The following HECTD2 variants were observed in gnomAD, a reference collection of about 807,000 sequenced individuals.
HECTD2 encodes the protein HECT domain E3 ubiquitin protein ligase 2.
In HECTD2, 35 loss-of-function variants were observed where a neutral mutation model predicts 103.2. That is an observed-to-expected ratio of 0.34 (90% CI 0.26 to 0.45). HECTD2 has a LOEUF of 0.45. Ranked by LOEUF, HECTD2 falls within the 20% of genes least tolerant of loss-of-function variation. The pLI, the probability that HECTD2 is intolerant of heterozygous loss-of-function variation, is 1.00. For synonymous variants in HECTD2, 281 were observed against 329.9 expected (o/e 0.85, Z 1.61); for missense variants, 596 against 937.4 (o/e 0.64, Z 4.76).
At chr10:91,480,339 G>C (rs1846047344) in intron 6 of HECTD2, among the ~76,000 whole-genome samples, 1 of 152,090 alleles carries the variant, frequency 6.6e-6, no homozygotes, top group South Asian at 2.1e-4. Context: ...TAGATCTTGA[G>C]CAGGCAAGAA....
intron 2 of HECTD2, among the ~76,000 whole-genome samples, chr10:91,427,312 C>A (rs1338930703): frequency 1.3e-5 from 2 of 151,850 alleles, no homozygotes; most frequent in East Asian, 3.9e-4. Context: ...AGTAAACATA[C>A]GTGTGCATGT....
chr10:91,507,666 G>A (rs1306045313), intron 20 of HECTD2, among the ~76,000 whole-genome samples: 1 of 146,906 alleles, frequency 6.8e-6, no homozygotes, highest in Non-Finnish European at 1.5e-5. Context: ...TGGGTAGGAA[G>A]AATCAATATC....
At chr10:91,473,263 A>C (rs1471566313) in intron 5 of HECTD2, among the ~76,000 whole-genome samples, 2 of 152,236 alleles carry the variant, frequency 1.3e-5, no homozygotes, top group Non-Finnish European at 2.9e-5. Flanking sequence ...GGCTGTCAGC[A>C]GACTGCTCCA....
At chr10:91,468,616 T>C (rs568211386) in intron 5 of HECTD2, among the ~76,000 whole-genome samples, 1 of 152,140 alleles carries the variant, frequency 6.6e-6, no homozygotes, top group South Asian at 2.1e-4. Flanking sequence ...ATCATTGAGA[T>C]TCAGGAGAAA....
chr10:91,449,619 A>T (rs963451653), intron 2 of HECTD2, among the ~76,000 whole-genome samples: 1 of 152,228 alleles, frequency 6.6e-6, no homozygotes, highest in African/African-American at 2.4e-5. Flanking sequence ...TGTAGATGAC[A>T]TGATTGTATA....
In HECTD2 at chr10:91,410,456, G is replaced by A; in HGVS notation, c.18G>A (p.Arg6=). 1 of 1,458,612 alleles carries A rather than the reference G, an allele frequency of 6.9e-7. No individual in the cohort carries two copies. Among genetic ancestry groups the A allele is most frequent in the Non-Finnish European group, 9.0e-7 (1 of 1,109,576 alleles). 90.4% of individuals were successfully genotyped at this position (1,458,612 alleles called of 1,614,324 possible). The stretch of plus-strand genomic sequence containing the variant: ...GGCCCGACATGAGTGAGGCGGTTCG[G>A]GTACCCTCGCCCGCCACTCCGCTGG... MSEAV[R]VPSPATPLVV... Residue 6 remains arginine (R), a synonymous_variant, in exon 1 of 21, where the codon CGG becomes CGA. Transcript: ENST00000298068.
chr10:91,485,442 CAT>C, intron 10 of HECTD2, 139 bp downstream of exon 10: 1 of 574,270 alleles, frequency 1.7e-6, no homozygotes, highest in South Asian at 2.8e-5. Context: ...CTTGAAATAT[CAT>C]ATTTATTAAA....
At chr10:91,418,438 AT>A (rs34939219) in intron 1 of HECTD2, among the ~76,000 whole-genome samples, 49 of 151,402 alleles carry the variant, frequency 3.2e-4, no homozygotes, top group African/African-American at 1.1e-3. Flanking sequence ...AATTGCGTTG[AT>A]TTTTTTTTGT....
intron 1 of HECTD2, among the ~76,000 whole-genome samples, chr10:91,410,972 G>A (rs188739717): frequency 6.6e-6 from 1 of 152,264 alleles, no homozygotes; most frequent in African/African-American, 2.4e-5. Flanking sequence ...CTGCCTTGGA[G>A]GCGCGCAGAT....
intron 2 of HECTD2, among the ~76,000 whole-genome samples, chr10:91,440,553 C>T (rs1844370048): frequency 6.8e-6 from 1 of 147,656 alleles, no homozygotes; most frequent in African/African-American, 2.5e-5. Flanking sequence ...TTTGTTGTGT[C>T]TCCGCCAGGT....
intron 7 of HECTD2, 69 bp downstream of exon 7, chr10:91,481,208 GATATTAA>G (rs1377031587): frequency 5.6e-5 from 38 of 682,506 alleles, no homozygotes; most frequent in Non-Finnish European, 8.9e-5. Flanking sequence ...TATGTGAAAT[GATATTAA>G]ATATTAAATA....
chr10:91,418,765 C>G (rs775778338), intron 1 of HECTD2, among the ~76,000 whole-genome samples: 1 of 152,078 alleles, frequency 6.6e-6, no homozygotes, highest in South Asian at 2.1e-4. Context: ...TCGTTGGCTC[C>G]AGGATGGCTC....
intron 15 of HECTD2, among the ~76,000 whole-genome samples, chr10:91,497,282 T>C (rs2133338496): frequency 7.2e-6 from 1 of 138,596 alleles, no homozygotes; most frequent in South Asian, 2.2e-4. Flanking sequence ...AGCCAGAAAA[T>C]GTTTCTTTTT....
intron 20 of HECTD2, among the ~76,000 whole-genome samples, chr10:91,510,113 A>G (rs1267195548): frequency 6.6e-6 from 1 of 152,226 alleles, no homozygotes; most frequent in Non-Finnish European, 1.5e-5. Context: ...AGATAGGACC[A>G]GATGCCTTCT....
chr10:91,496,542 A>G (rs980655614), intron 15 of HECTD2, among the ~76,000 whole-genome samples, 170 bp downstream of exon 15: 1 of 152,186 alleles, frequency 6.6e-6, no homozygotes, highest in Non-Finnish European at 1.5e-5. Flanking sequence ...GACACATGTC[A>G]CCCACTTTGC....
intron 2 of HECTD2, among the ~76,000 whole-genome samples, chr10:91,426,767 T>C (rs537946328): frequency 7.0e-4 from 107 of 152,066 alleles, no homozygotes; most frequent in South Asian, 1.7e-3. Flanking sequence ...GGTCCACTTA[T>C]TTGAGCTTCC....
intron 20 of HECTD2, among the ~76,000 whole-genome samples, chr10:91,504,619 G>A (rs1431274700): frequency 2.7e-3 from 368 of 136,692 alleles, no homozygotes; most frequent in African/African-American, 7.2e-3. Context: ...AAGAAATATG[G>A]GACTATGTGA....
At chr10:91,412,507 T>A (rs534123935) in intron 1 of HECTD2, among the ~76,000 whole-genome samples, 6 of 151,568 alleles carry the variant, frequency 4.0e-5, no homozygotes, top group Non-Finnish European at 8.8e-5. Context: ...CAGGCTGAAG[T>A]GCAGTAGCCT....
At chr10:91,424,047 A>G (rs1843459615) in intron 1 of HECTD2, among the ~76,000 whole-genome samples, 1 of 152,158 alleles carries the variant, frequency 6.6e-6, no homozygotes, top group Non-Finnish European at 1.5e-5. Context: ...TGCTAATGAT[A>G]TAGTCTAACA....
Sources: allele counts gnomAD v4.1 joint callset (sites outside exome capture counted in the v4.1 genomes callset), GRCh38; gene constraint gnomAD v4.1.1; transcripts MANE v1.5; gene names NCBI Gene and HGNC (gene_info 2026-07-23, HGNC 2026-07-21).